NFIC: variants seen among roughly 807,000 people sequenced by gnomAD.
NFIC encodes nuclear factor 1 C-type.
In NFIC, 12 loss-of-function variants were observed where a neutral mutation model predicts 54.4. The observed-to-expected ratio is 0.22, with a 90% CI of 0.14 to 0.36. The LOEUF is 0.36. NFIC is among the 10% of genes least tolerant of loss of function. The pLI is 1.00. For missense variants in NFIC, 575 were observed against 718.2 expected, an observed-to-expected ratio of 0.80 and a Z score of 2.28; for synonymous variants, 322 against 319.2, an observed-to-expected ratio of 1.01 and a Z score of -0.09.
chr19:3,462,723 CCT>C (rs1349266808), intron 10 of NFIC, 27 bp from the exon 11 acceptor site: 2 of 1,612,718 alleles, frequency 1.2e-6, no homozygotes, highest in Non-Finnish European at 8.5e-7. Flanking sequence ...TTTCTCTCTC[CCT>C]CTTTCTGTCG....
At position 3,432,733 on chromosome 19, in the gene NFIC, G is replaced by A. The variant is rs1255224235; in HGVS notation, c.635-785G>A. 4.0e-5 allele frequency among the ~76,000 whole-genome samples: 6 copies of A among 150,664 alleles called. No homozygotes were observed. In the South Asian group the frequency reaches 8.5e-4, roughly 21 times the overall value. On this transcript the variant is annotated intron_variant, in intron 3 of 10. Coordinates refer to ENST00000443272, the MANE Select transcript of NFIC (RefSeq NM_001245002.2). ...TTGCCCAGGCTGGATGGAGTGCAGT[G>A]GCGCAATCTCGGCTCACTGCAAGCT...
At chr19:3,415,955 G>C (rs1216703632) in intron 2 of NFIC, among the ~76,000 whole-genome samples, 1 of 151,932 alleles carries the variant, frequency 6.6e-6, no homozygotes, top group African/African-American at 2.4e-5. Context: ...CCTGGAGTTT[G>C]AGTTCAGCCT....
rs1229920952 is a variant in NFIC at position 3,463,894 on chromosome 19, C to T, written c.*1125C>T. 5.1e-6 allele frequency: 5 copies of T among 974,622 alleles called. No individual in the cohort carries two copies. The highest frequency in any genetic ancestry group is 1.2e-4 in the East Asian group (1 of 8,652). The allele number at this position is 974,622 out of a possible 1,614,324, so 60.4% of individuals were successfully genotyped here. A position where few individuals can be genotyped will look rare whatever the true frequency, so the allele number is the denominator to read the frequency against. ...GTCCAGCTGGGACACGGAATGGCCG[C>T]GGGCCTCCTCCCCCTCCCCTCCAGC... On this transcript the variant is annotated 3_prime_UTR_variant, in exon 11 of 11. Transcript: ENST00000443272.
Position 3,458,413 on chromosome 19 carries a change from G to C in NFIC, c.1509+1778G>C, listed in dbSNP as rs960401902. Among the ~76,000 whole-genome samples the C allele has an allele frequency of 6.7e-4, 102 of 152,280 alleles. No homozygotes were observed. The highest frequency in any genetic ancestry group is 2.4e-3 in the African/African-American group (98 of 41,558). On this transcript the variant is annotated intron_variant, in intron 10 of 10. Transcript: ENST00000443272. This position sits in a 1 kb window ranked among gnomAD's most constrained non-coding sequence, Gnocchi z 4.1. ...GCCCAGCCCGCTTAACCCTTCCCCA[G>C]CCTCTGCCTTGGACCAAACTCTCTG...
chr19:3,380,012 G>GT (rs878994460), intron 1 of NFIC, among the ~76,000 whole-genome samples: 1 of 149,156 alleles, frequency 6.7e-6, no homozygotes, highest in East Asian at 2.0e-4. Context: ...GTTTTGTTTT[G>GT]TTTTTTGAGA....
At chr19:3,395,110 G>A (rs1183057920) in intron 2 of NFIC, among the ~76,000 whole-genome samples, 1 of 152,106 alleles carries the variant, frequency 6.6e-6, no homozygotes, top group Non-Finnish European at 1.5e-5. Flanking sequence ...TGTCATCCCA[G>A]CACTTTGGGA....
At chr19:3,437,736 C>G (rs76593742) in intron 6 of NFIC, among the ~76,000 whole-genome samples, 3,097 of 150,498 alleles carry the variant, frequency 0.021, 105 homozygotes, top group African/African-American at 0.071. Context: ...ATCACCCAGG[C>G]TGGAGTGCAG....
At chr19:3,445,945 C>T (rs2082367757) in intron 6 of NFIC, among the ~76,000 whole-genome samples, 1 of 152,158 alleles carries the variant, frequency 6.6e-6, no homozygotes, top group Non-Finnish European at 1.5e-5. Flanking sequence ...CCGTGGTTGT[C>T]CCCACTGAGG....
At chr19:3,410,185 C>T (rs796153479) in intron 2 of NFIC, among the ~76,000 whole-genome samples, 1 of 152,092 alleles carries the variant, frequency 6.6e-6, no homozygotes, top group African/African-American at 2.4e-5. Context: ...GGACTACAGG[C>T]GCCTGCCACC....
intron 6 of NFIC, among the ~76,000 whole-genome samples, chr19:3,443,599 GGCAGAGGATCATGGGAC>G (rs994658746): frequency 2.2e-4 from 33 of 152,092 alleles, no homozygotes; most frequent in Middle Eastern, 3.4e-3. Flanking sequence ...ACCTCTGCAG[GGCAGAGGATCATGGGAC>G]GCAGAGGATC....
chr19:3,395,283 C>T (rs146964342), intron 2 of NFIC, among the ~76,000 whole-genome samples: 3,552 of 151,978 alleles, frequency 0.023, 159 homozygotes, highest in African/African-American at 0.081. Context: ...CACTTCAATC[C>T]GGGAGGCAGA....
rs1426574173 is a variant in NFIC, at chr19:3,425,186, G to C, written c.634+9G>C. The C allele has an allele frequency of 6.2e-7, 1 of 1,608,576 alleles. No homozygotes were observed. Among genetic ancestry groups the C allele is most frequent in the Non-Finnish European group, 8.5e-7 (1 of 1,178,650 alleles). ...CAAGCCCATCACGCTGGGTGAGTCT[G>C]GGGGCAGCGTGGCGGTGAAGGGCGG... On this transcript the variant is annotated intron_variant, in intron 3 of 10. Coordinates refer to ENST00000443272, the MANE Select transcript of NFIC (RefSeq NM_001245002.2).
chr19:3,405,984 G>C (rs187343668), intron 2 of NFIC, among the ~76,000 whole-genome samples: 34 of 152,192 alleles, frequency 2.2e-4, no homozygotes, highest in Admixed American at 2.0e-3. Flanking sequence ...GCAGTGACTT[G>C]ATCATGGCTT....
At chr19:3,400,791 G>A (rs564874867) in intron 2 of NFIC, among the ~76,000 whole-genome samples, 1 of 152,332 alleles carries the variant, frequency 6.6e-6, no homozygotes, top group Non-Finnish European at 1.5e-5. Context: ...GCAGTGAGCC[G>A]AGATTGTACC....
At chr19:3,388,307 C>T (rs553697236) in intron 2 of NFIC, among the ~76,000 whole-genome samples, 11 of 152,266 alleles carry the variant, frequency 7.2e-5, no homozygotes, top group East Asian at 3.9e-4. Context: ...ATAATGATGG[C>T]GGCAAACACA....
chr19:3,417,923 C>T (rs554927227), intron 2 of NFIC, among the ~76,000 whole-genome samples: 19 of 10,658 alleles, frequency 1.8e-3, no homozygotes, highest in Non-Finnish European at 3.0e-3. Context: ...CAGGCGTGAT[C>T]CACCGTGCCC....
At chr19:3,417,825 A>G (rs1308071650) in intron 2 of NFIC, among the ~76,000 whole-genome samples, 17 of 141,976 alleles carry the variant, frequency 1.2e-4, no homozygotes, top group Admixed American at 7.2e-4. Context: ...TTTTTAGTAG[A>G]GATGGGGTTT....
At chr19:3,432,498 C>T (rs1156531832) in intron 3 of NFIC, among the ~76,000 whole-genome samples, 1 of 152,008 alleles carries the variant, frequency 6.6e-6, no homozygotes, top group Non-Finnish European at 1.5e-5. Context: ...AGCCAGCTGC[C>T]CCTCCCAGGC....
At chr19:3,397,940 T>A (rs1253039384) in intron 2 of NFIC, among the ~76,000 whole-genome samples, 1 of 152,138 alleles carries the variant, frequency 6.6e-6, no homozygotes, top group Non-Finnish European at 1.5e-5. Flanking sequence ...TGATAGGGTT[T>A]GGGTTTGACC....
Sources: allele counts gnomAD v4.1 joint callset (sites outside exome capture counted in the v4.1 genomes callset), GRCh38; gene constraint gnomAD v4.1.1; non-coding constraint Gnocchi (gnomAD v3.1); transcripts MANE v1.5; gene names NCBI Gene and HGNC (gene_info 2026-07-23, HGNC 2026-07-21).